The following ARHGEF7 variants were observed in gnomAD, a reference collection of about 807,000 sequenced individuals.
The protein encoded by ARHGEF7 is PAK-interacting exchange factor beta.
A neutral mutation model predicts 109.8 loss-of-function variants in ARHGEF7; 33 were observed. The ratio of observed to expected loss-of-function variants is 0.30; its 90% CI spans 0.23 to 0.40. ARHGEF7 has a LOEUF of 0.40. ARHGEF7 is among the 10% of genes least tolerant of loss of function. The probability of loss-of-function intolerance (pLI) is 1.00; values close to 1 mark genes in which losing one functional copy is unlikely to be tolerated. For missense variants in ARHGEF7, 938 were observed against 1,098.5 expected (o/e 0.85, Z 2.07); for synonymous variants, 458 against 424.6 (o/e 1.08, Z -0.97).
rs183554475 is a variant in ARHGEF7, at chr13:111,125,205, A to G, written c.165+9514A>G. On this transcript the variant is annotated intron_variant, in intron 1 of 21. Transcript: ENST00000646102. ...GGAATCTTTCCATGATGAGAAAAAGAGAGAGAGTGAGAATATATGAATGAA... is the reference window on the plus strand; with the variant it reads ...GGAATCTTTCCATGATGAGAAAAAGGGAGAGAGTGAGAATATATGAATGAA... Among the ~76,000 whole-genome samples, 7 of 152,274 alleles carry G rather than the reference A, an allele frequency of 4.6e-5. No homozygotes were observed. In the East Asian group the frequency reaches 1.4e-3, roughly 29 times the overall value.
chr13:111,230,293 G>A (rs1455397898), intron 5 of ARHGEF7, among the ~76,000 whole-genome samples: 1 of 152,110 alleles, frequency 6.6e-6, no homozygotes, highest in East Asian at 1.9e-4. Context: ...TACCAGATGG[G>A]CCAAAAAATG....
chr13:111,273,665 C>T lies in ARHGEF7; in HGVS notation c.1074-149C>T, dbSNP rs886319292. 44 of 1,080,640 alleles carry T rather than the reference C, an allele frequency of 4.1e-5. No individual in the cohort carries two copies. In the South Asian group the frequency reaches 4.6e-4, roughly 11 times the overall value. The allele number at this position is 1,080,640 out of a possible 1,614,324, so 66.9% of individuals were successfully genotyped here. The stretch of plus-strand genomic sequence containing the variant: ...CCCTTTGGCATTTCCAGATAAGCAG[C>T]GCAGATTTGGGATAAAAGCTGGAGC... On this transcript the variant is annotated intron_variant, in intron 9 of 21. Transcript: ENST00000646102. The surrounding 1 kb of genome is among the most constrained non-coding windows in gnomAD (Gnocchi z 4.5).
chr13:111,157,608 G>T (rs753768558), intron 2 of ARHGEF7, among the ~76,000 whole-genome samples: 2 of 152,056 alleles, frequency 1.3e-5, no homozygotes, highest in Non-Finnish European at 2.9e-5. Flanking sequence ...GATGTTTGTA[G>T]AATTTCACTT....
rs944227382 is a variant in ARHGEF7, at chr13:111,131,730, G to A, written c.165+16039G>A. 2.6e-5 allele frequency among the ~76,000 whole-genome samples: 4 copies of A among 152,120 alleles called. No individual in the cohort carries two copies. Among genetic ancestry groups the A allele is most frequent in the Admixed American group, 2.0e-4 (3 of 15,268 alleles). On this transcript the variant is annotated intron_variant, in intron 1 of 21. Transcript: ENST00000646102. This position sits in a 1 kb window ranked among gnomAD's most constrained non-coding sequence, Gnocchi z 4.4. ...GGTGTGTTTCTGAGAGGTCAGGTGA[G>A]TGCAATTCAGAAGATTGTCTGCTGG...
chr13:111,214,577 A>G (rs553515974), intron 4 of ARHGEF7, among the ~76,000 whole-genome samples: 27 of 152,334 alleles, frequency 1.8e-4, no homozygotes, highest in African/African-American at 6.5e-4. Flanking sequence ...TTGACATAGC[A>G]CAGTGAACTC....
chr13:111,252,541 A>G (rs561090063), intron 8 of ARHGEF7, among the ~76,000 whole-genome samples: 23 of 152,246 alleles, frequency 1.5e-4, no homozygotes, highest in Non-Finnish European at 2.8e-4. Context: ...GAGCTGTAGA[A>G]GAATTCTAAC....
intron 1 of ARHGEF7, among the ~76,000 whole-genome samples, chr13:111,133,142 C>T (rs1259618926): frequency 2.0e-5 from 3 of 151,790 alleles, no homozygotes; most frequent in Admixed American, 6.6e-5. Flanking sequence ...TGCATATGTA[C>T]ACATGTGCAC....
chr13:111,201,280 A>G (rs931526775), intron 2 of ARHGEF7, among the ~76,000 whole-genome samples: 2 of 152,186 alleles, frequency 1.3e-5, no homozygotes, highest in African/African-American at 4.8e-5. Context: ...TTTATGCCCA[A>G]ATCGCTTTAT....
chr13:111,153,309 G>A (rs561031575), intron 1 of ARHGEF7, among the ~76,000 whole-genome samples: 2 of 152,346 alleles, frequency 1.3e-5, no homozygotes, highest in South Asian at 4.1e-4. Context: ...CTGGCGCCAA[G>A]AGGCGGCGGT....
chr13:111,151,252 G>A (rs953515011), intron 1 of ARHGEF7, among the ~76,000 whole-genome samples: 11 of 152,162 alleles, frequency 7.2e-5, no homozygotes, highest in African/African-American at 2.2e-4. Context: ...CCCTTTTCAC[G>A]TATAACACTT....
At chr13:111,262,400 GTGTGTGTGTGTGCA>G (rs940713523) in intron 8 of ARHGEF7, among the ~76,000 whole-genome samples, 13 of 151,664 alleles carry the variant, frequency 8.6e-5, no homozygotes, top group Non-Finnish European at 1.8e-4. Flanking sequence ...CCGTGTCCCT[GTGTGTGTGTGTGCA>G]TGTGTGTGTG....
At chr13:111,120,933 T>C (rs2067156850) in intron 1 of ARHGEF7, among the ~76,000 whole-genome samples, 1 of 152,212 alleles carries the variant, frequency 6.6e-6, no homozygotes, top group Non-Finnish European at 1.5e-5. Context: ...AAAACAAGAC[T>C]GATTCTGCCA....
At chr13:111,189,362 T>A (rs961295223) in intron 2 of ARHGEF7, among the ~76,000 whole-genome samples, 2 of 152,144 alleles carry the variant, frequency 1.3e-5, no homozygotes, top group East Asian at 3.9e-4. Flanking sequence ...GAGTTTCTTC[T>A]TTCCGGTGGG....
At chr13:111,276,944 T>G (rs954810870) in intron 12 of ARHGEF7, among the ~76,000 whole-genome samples, 1 of 152,186 alleles carries the variant, frequency 6.6e-6, no homozygotes, top group African/African-American at 2.4e-5. Flanking sequence ...CTCTTTGGCT[T>G]TTATCTTACT....
At chr13:111,221,517 ATATATC>A (rs1261199065) in intron 5 of ARHGEF7, among the ~76,000 whole-genome samples, 2 of 47,264 alleles carry the variant, frequency 4.2e-5, no homozygotes, top group African/African-American at 1.6e-4. Context: ...ATATATAGAT[ATATATC>A]TATATATATC....
At chr13:111,281,415 A>C (rs1172576527) in intron 15 of ARHGEF7, among the ~76,000 whole-genome samples, 1 of 152,030 alleles carries the variant, frequency 6.6e-6, no homozygotes, top group Admixed American at 6.5e-5. Context: ...TTATTAGGCT[A>C]TTAGGATCAG....
rs1566606730 is a variant in ARHGEF7 at position 111,133,787 on chromosome 13, ATATATATATATATATATATATATAT to A, written c.165+18097_165+18121del. 1.1e-3 allele frequency among the ~76,000 whole-genome samples: 113 copies of A among 102,176 alleles called. 3 individuals carry two copies. The highest frequency in any genetic ancestry group is 7.0e-3 in the East Asian group (16 of 2,280). The allele number at this position is 102,176 out of a possible 152,430, so 67.0% of individuals were successfully genotyped here. ...TTTATATATATATATATATATATAT[ATATATATATATATATATATATATAT>A]ATTTATTATACTTTAAGTTCTAGGT... On this transcript the variant is annotated intron_variant, in intron 1 of 21. Coordinates refer to ENST00000646102, the MANE Select transcript of ARHGEF7 (RefSeq NM_001354046.2).
intron 2 of ARHGEF7, among the ~76,000 whole-genome samples, chr13:111,194,845 C>T (rs1469161101): frequency 6.6e-6 from 1 of 152,144 alleles, no homozygotes; most frequent in South Asian, 2.1e-4. Flanking sequence ...AACTGTGAGT[C>T]AGTGCAGGGG....
chr13:111,222,451 A>C (rs1306815806), intron 5 of ARHGEF7, among the ~76,000 whole-genome samples: 1 of 152,060 alleles, frequency 6.6e-6, no homozygotes, highest in East Asian at 1.9e-4. Context: ...TTACTATTTT[A>C]TTTTGAGATG....
Sources: allele counts gnomAD v4.1 joint callset (sites outside exome capture counted in the v4.1 genomes callset), GRCh38; gene constraint gnomAD v4.1.1; non-coding constraint Gnocchi (gnomAD v3.1); transcripts MANE v1.5; gene names NCBI Gene and HGNC (gene_info 2026-07-23, HGNC 2026-07-21).